Variants in CREBRF observed in about 807,000 individuals in gnomAD.
CREBRF encodes the protein UPF0474 protein C5orf41.
In CREBRF, 5 loss-of-function variants were observed where a neutral mutation model predicts 66.1. The observed-to-expected ratio is 0.08, with a 90% CI of 0.04 to 0.16. The LOEUF is 0.16. CREBRF is among the 10% of genes least tolerant of loss of function. The pLI, the probability that CREBRF is intolerant of heterozygous loss-of-function variation, is 1.00. For missense variants in CREBRF, 531 were observed against 744.9 expected (o/e 0.71, Z 3.34); for synonymous variants, 229 against 264.4 (o/e 0.87, Z 1.30).
At chr5:173,085,711 C>T in intron 2 of CREBRF, 1 of 747,158 alleles carries the variant, frequency 1.3e-6, no homozygotes, top group Non-Finnish European at 2.5e-6. Context: ...GCCACCGCAC[C>T]CGGCCATCAG....
intron 2 of CREBRF, among the ~76,000 whole-genome samples, chr5:173,081,870 A>T (rs754953439): frequency 1.4e-4 from 22 of 151,788 alleles, no homozygotes; most frequent in Non-Finnish European, 2.8e-4. Context: ...ATGCCATTGC[A>T]CTCCAGCCTG....
rs747331837 is a variant in CREBRF at position 173,080,753 on chromosome 5, A to T, written c.-23A>T. The T allele has an allele frequency of 1.9e-6, 3 of 1,612,316 alleles. No individual in the cohort carries two copies. Among genetic ancestry groups the T allele is most frequent in the African/African-American group, 1.3e-5 (1 of 74,816 alleles). ...AGAAAAAAAAGAAGTTTGGAATCGG[A>T]TTCACAGGATCTGGGCTTGGAAATG... On this transcript the variant is annotated 5_prime_UTR_variant, in exon 2 of 9. Coordinates refer to ENST00000296953, the MANE Select transcript of CREBRF (RefSeq NM_153607.3).
At chr5:173,063,370 C>T (rs560945379) in intron 1 of CREBRF, among the ~76,000 whole-genome samples, 32 of 152,198 alleles carry the variant, frequency 2.1e-4, no homozygotes, top group African/African-American at 7.5e-4. Flanking sequence ...CTGATTTCTT[C>T]TTCTCTATTT....
chr5:173,065,993 A>AT (rs1229986273), intron 1 of CREBRF, among the ~76,000 whole-genome samples: 9 of 150,436 alleles, frequency 6.0e-5, no homozygotes, highest in African/African-American at 1.2e-4. Context: ...TTTATTTTTT[A>AT]TTTTTTTTGA....
intron 1 of CREBRF, chr5:173,068,103 A>G (rs1172386056): frequency 2.2e-6 from 1 of 453,888 alleles, no homozygotes; most frequent in Non-Finnish European, 4.4e-6. Flanking sequence ...TTATTAGCAT[A>G]ATAACTTGCT....
At chr5:173,076,671 G>A (rs532095779) in intron 1 of CREBRF, among the ~76,000 whole-genome samples, 40 of 150,356 alleles carry the variant, frequency 2.7e-4, no homozygotes, top group African/African-American at 9.3e-4. Context: ...CACAGCAATC[G>A]CTTGAATCCA....
At chr5:173,096,305 C>T (rs1478945048) in intron 4 of CREBRF, among the ~76,000 whole-genome samples, 2 of 152,184 alleles carry the variant, frequency 1.3e-5, no homozygotes, top group Non-Finnish European at 1.5e-5. Context: ...GATACAAGAT[C>T]ATGTCATCTA....
intron 5 of CREBRF, chr5:173,110,245 A>G (rs1438023618): frequency 4.3e-6 from 2 of 466,474 alleles, no homozygotes; most frequent in African/African-American, 4.0e-5. Flanking sequence ...ATAATGAAGA[A>G]TCTGTCATGC....
intron 1 of CREBRF, among the ~76,000 whole-genome samples, chr5:173,074,750 G>A (rs1757710441): frequency 1.3e-5 from 2 of 152,068 alleles, no homozygotes; most frequent in South Asian, 4.1e-4. Flanking sequence ...AGCTGCCCAA[G>A]TAGCTGGGAC....
At chr5:173,112,986 C>G (rs1386812105) in intron 7 of CREBRF, among the ~76,000 whole-genome samples, 3 of 152,188 alleles carry the variant, frequency 2.0e-5, no homozygotes, top group Non-Finnish European at 4.4e-5. Flanking sequence ...TAACACTTCT[C>G]AGATCATTCT....
intron 8 of CREBRF, among the ~76,000 whole-genome samples, chr5:173,130,102 C>T (rs1462662045): frequency 6.6e-5 from 10 of 152,294 alleles, no homozygotes; most frequent in South Asian, 4.1e-4. Context: ...GGATTACAGG[C>T]GTGAGCCACC....
intron 7 of CREBRF, among the ~76,000 whole-genome samples, chr5:173,121,176 G>A (rs1381944062): frequency 6.6e-6 from 1 of 152,114 alleles, no homozygotes; most frequent in Non-Finnish European, 1.5e-5. Context: ...TATTTTTCAT[G>A]ATGGATCTAC....
intron 1 of CREBRF, among the ~76,000 whole-genome samples, chr5:173,061,858 T>G (rs937325705): frequency 6.6e-6 from 1 of 152,222 alleles, no homozygotes; most frequent in South Asian, 2.1e-4. Flanking sequence ...TGGGAAATAC[T>G]AAATTTTTTT....
chr5:173,101,548 G>A (rs412682), intron 4 of CREBRF, among the ~76,000 whole-genome samples: 73,716 of 151,398 alleles, frequency 0.49, 19,083 homozygotes, highest in Non-Finnish European at 0.58. Context: ...GTGTCTTAGT[G>A]AAGTTTTTTT....
chr5:173,131,263 C>G (rs577807684), intron 8 of CREBRF, among the ~76,000 whole-genome samples: 1 of 152,292 alleles, frequency 6.6e-6, no homozygotes, highest in African/African-American at 2.4e-5. Context: ...CTATTTTAGC[C>G]TGTATTGCTT....
At chr5:173,117,185 C>G (rs139713430) in intron 7 of CREBRF, among the ~76,000 whole-genome samples, 3 of 151,906 alleles carry the variant, frequency 2.0e-5, no homozygotes, top group Admixed American at 2.0e-4. Flanking sequence ...TCGAGACCAG[C>G]CTGGCCAACA....
chr5:173,099,499 A>G (rs1758562950), intron 4 of CREBRF, among the ~76,000 whole-genome samples: 1 of 152,166 alleles, frequency 6.6e-6, no homozygotes, highest in Non-Finnish European at 1.5e-5. Context: ...TGGGCAACAT[A>G]GAGTTGGTTC....
rs1758151450 is a variant in CREBRF, at chr5:173,086,463, G to A, written c.10-38G>A. 2.5e-6 allele frequency: 4 copies of A among 1,605,936 alleles called. No homozygotes were observed. In the South Asian group the frequency reaches 4.4e-5, roughly 18 times the overall value. The stretch of plus-strand genomic sequence containing the variant: ...TATGTGATAAATTGGTCTCAAAGTA[G>A]TCTTTAACTTTCTAAAATAAAAATC... On this transcript the variant is annotated intron_variant, in intron 2 of 8. Coordinates refer to ENST00000296953, the MANE Select transcript of CREBRF (RefSeq NM_153607.3).
chr5:173,084,441 A>T (rs1758064696), intron 2 of CREBRF, among the ~76,000 whole-genome samples: 1 of 152,168 alleles, frequency 6.6e-6, no homozygotes, highest in Non-Finnish European at 1.5e-5. Context: ...TTGCTTTTAA[A>T]CAAATAATAA....
Sources: gnomAD v4.1 joint callset for allele counts (sites outside exome capture counted in the v4.1 genomes callset) on GRCh38, gnomAD v4.1.1 for gene constraint, MANE v1.5 for transcripts, NCBI Gene and HGNC (gene_info 2026-07-23, HGNC 2026-07-21) for gene names.